Variants in FGGY observed in about 807,000 individuals in gnomAD.
The protein encoded by FGGY is FGGY carbohydrate kinase domain containing.
In FGGY, 72 loss-of-function variants were observed where a neutral mutation model predicts 71.3. That is an observed-to-expected ratio of 1.01 (90% CI 0.84 to 1.23). The LOEUF (loss-of-function observed/expected upper bound fraction) is 1.23. Among genes scored for constraint, FGGY ranks in the 50% most tolerant of loss-of-function variants. The pLI is 0.00. For missense variants in FGGY, 668 were observed against 682.3 expected (o/e 0.98, Z 0.23); for synonymous variants, 251 against 250.3 (o/e 1.00, Z -0.02).
chr1:59,402,128 A>G (rs530718460), intron 5 of FGGY, among the ~76,000 whole-genome samples: 17 of 152,350 alleles, frequency 1.1e-4, no homozygotes, highest in Non-Finnish European at 7.3e-5. Flanking sequence ...AGGGGCGAGT[A>G]CAGTGGACAG....
intron 4 of FGGY, among the ~76,000 whole-genome samples, chr1:59,356,356 TC>T (rs2054308910): frequency 6.6e-6 from 1 of 152,196 alleles, no homozygotes; most frequent in Admixed American, 6.5e-5. Flanking sequence ...CTCAGGTTTT[TC>T]CTTCTGCCTG....
chr1:59,631,812 C>G (rs2096910747), intron 10 of FGGY, among the ~76,000 whole-genome samples: 1 of 152,182 alleles, frequency 6.6e-6, no homozygotes, highest in Non-Finnish European at 1.5e-5. Flanking sequence ...ACTGGATGTG[C>G]CCGTACATGT....
chr1:59,555,166 G>A (rs1359069783), intron 8 of FGGY, among the ~76,000 whole-genome samples: 2 of 152,262 alleles, frequency 1.3e-5, no homozygotes, highest in South Asian at 2.1e-4. Context: ...GAATGACATC[G>A]GCTCAGTGGG....
intron 7 of FGGY, among the ~76,000 whole-genome samples, chr1:59,543,456 T>C (rs1007352220): frequency 3.3e-5 from 5 of 152,182 alleles, no homozygotes; most frequent in Non-Finnish European, 5.9e-5. Context: ...AGTCTAGAGG[T>C]GGGAGAGCCC....
chr1:59,657,756 A>G (rs2097234513), intron 11 of FGGY, among the ~76,000 whole-genome samples: 1 of 152,230 alleles, frequency 6.6e-6, no homozygotes, highest in Non-Finnish European at 1.5e-5. Context: ...CAAAGGCTCT[A>G]TATGAGGTAC....
chr1:59,296,728 TACA>T (rs2042000875), upstream of FGGY: 3 of 144,178 alleles, frequency 2.1e-5, no homozygotes, highest in African/African-American at 7.7e-5. Flanking sequence ...GGCCGCGCTT[TACA>T]GGGGCCGCGC....
chr1:59,462,971 G>T lies in FGGY; in HGVS notation c.670+5895G>T, dbSNP rs374849256. Among the ~76,000 whole-genome samples, 45 of 152,102 alleles carry T rather than the reference G, an allele frequency of 3.0e-4. No individual in the cohort carries two copies. In the South Asian group the frequency reaches 7.9e-3, roughly 27 times the overall value. ...TCCCATTACTGGGTATATACCCAAA[G>T]GACTATAAATCATGCTGCTATAAAG... On this transcript the variant is annotated intron_variant, in intron 6 of 15. Coordinates refer to ENST00000303721, the MANE Select transcript of FGGY (RefSeq NM_018291.5).
intron 8 of FGGY, 106 bp downstream of exon 8, chr1:59,554,333 C>G: frequency 1.3e-6 from 1 of 759,854 alleles, no homozygotes; most frequent in Non-Finnish European, 2.1e-6. Flanking sequence ...TCCTCTTTTC[C>G]CTGCCTGCCC....
chr1:59,383,609 T>A (rs572626493), intron 5 of FGGY, among the ~76,000 whole-genome samples: 15 of 152,174 alleles, frequency 9.9e-5, no homozygotes, highest in Admixed American at 6.5e-4. Context: ...CAACAAACCT[T>A]AAGTCTCATA....
intron 1 of FGGY, among the ~76,000 whole-genome samples, chr1:59,306,962 G>A (rs2043529268): frequency 6.6e-6 from 1 of 152,106 alleles, no homozygotes; most frequent in Non-Finnish European, 1.5e-5. Context: ...ATTAAGAAAG[G>A]ACTCGGTTGC....
chr1:59,552,383 T>A (rs969657127), intron 7 of FGGY, among the ~76,000 whole-genome samples: 1 of 152,174 alleles, frequency 6.6e-6, no homozygotes, highest in African/African-American at 2.4e-5. Flanking sequence ...CTGTGATAAC[T>A]AACACAGAAA....
chr1:59,329,755 T>G (rs1467512793), intron 2 of FGGY, among the ~76,000 whole-genome samples: 1 of 152,244 alleles, frequency 6.6e-6, no homozygotes, highest in African/African-American at 2.4e-5. Context: ...ACCTAAGCTA[T>G]CCAATCCAAT....
At chr1:59,553,096 A>G (rs949505106) in intron 7 of FGGY, among the ~76,000 whole-genome samples, 12 of 152,134 alleles carry the variant, frequency 7.9e-5, no homozygotes, top group Non-Finnish European at 1.5e-5. Context: ...AGGCAGAGGG[A>G]AGAGCAAATG....
chr1:59,426,253 T>C (rs2066344826), intron 5 of FGGY, among the ~76,000 whole-genome samples: 1 of 152,128 alleles, frequency 6.6e-6, no homozygotes, highest in Admixed American at 6.5e-5. Flanking sequence ...AAGAAATGGC[T>C]CTTCTGGGAT....
At chr1:59,392,763 T>C (rs1302785111) in intron 5 of FGGY, among the ~76,000 whole-genome samples, 1 of 152,198 alleles carries the variant, frequency 6.6e-6, no homozygotes, top group East Asian at 1.9e-4. Context: ...TTTTCCTTCT[T>C]CTCTGTAAAT....
intron 7 of FGGY, among the ~76,000 whole-genome samples, chr1:59,535,782 A>G (rs967992111): frequency 2.7e-5 from 4 of 149,370 alleles, no homozygotes; most frequent in Non-Finnish European, 5.9e-5. Context: ...CTTTGAAACC[A>G]ACGAGAACAA....
At chr1:59,448,536 A>G (rs1026651675) in intron 5 of FGGY, among the ~76,000 whole-genome samples, 1 of 152,204 alleles carries the variant, frequency 6.6e-6, no homozygotes, top group African/African-American at 2.4e-5. Flanking sequence ...CAGCCTGCAT[A>G]CAGAGCAGTA....
At chr1:59,501,669 A>G (rs2094227784) in intron 6 of FGGY, among the ~76,000 whole-genome samples, 1 of 152,252 alleles carries the variant, frequency 6.6e-6, no homozygotes, top group Admixed American at 6.5e-5. Flanking sequence ...ATAACTCTAA[A>G]GAGAACACCT....
chr1:59,477,067 G>T (rs2093297676), intron 6 of FGGY, among the ~76,000 whole-genome samples: 1 of 152,228 alleles, frequency 6.6e-6, no homozygotes, highest in African/African-American at 2.4e-5. Flanking sequence ...CTGGATCTCA[G>T]TTGGACATCT....
Sources: allele counts gnomAD v4.1 joint callset (sites outside exome capture counted in the v4.1 genomes callset), GRCh38; gene constraint gnomAD v4.1.1; transcripts MANE v1.5; gene names NCBI Gene and HGNC (gene_info 2026-07-23, HGNC 2026-07-21).